CLEC2A: variants seen among roughly 807,000 people sequenced by gnomAD.
The protein encoded by CLEC2A is keratinocyte-associated C-type lectin.
Under a neutral mutation model 18.6 loss-of-function variants are expected in CLEC2A, and 19 were observed. The ratio of observed to expected loss-of-function variants is 1.02; its 90% CI spans 0.71 to 1.50. The LOEUF is 1.50. Ranked by LOEUF, CLEC2A falls within the 40% of genes most tolerant of loss-of-function variation. The pLI is 0.00. For synonymous variants in CLEC2A, 74 were observed against 64.0 expected (o/e 1.16, Z -0.75); for missense variants, 190 against 207.9 (o/e 0.91, Z 0.53).
intron 3 of CLEC2A, among the ~76,000 whole-genome samples, chr12:9,921,721 G>A (rs1863176024): frequency 6.6e-6 from 1 of 152,152 alleles, no homozygotes; most frequent in Non-Finnish European, 1.5e-5. Context: ...ATTATATGCT[G>A]TATTATTACC....
intron 4 of CLEC2A, 50 bp from the exon 5 acceptor site, chr12:9,913,730 C>T (rs1204727335): frequency 7.2e-5 from 84 of 1,172,054 alleles, no homozygotes; most frequent in Non-Finnish European, 9.7e-5. Context: ...CGGCTGTAAT[C>T]AAAAAGACAA....
intron 4 of CLEC2A, among the ~76,000 whole-genome samples, 189 bp from the exon 5 acceptor site, chr12:9,913,869 T>C (rs1185625463): frequency 6.6e-6 from 1 of 152,198 alleles, no homozygotes; most frequent in African/African-American, 2.4e-5. Flanking sequence ...AACATAAGTG[T>C]TGGAGTTAAA....
rs1313181263 is a variant in CLEC2A, at chr12:9,925,301, G to A, written c.139+959C>T. Among the ~76,000 whole-genome samples, 3 of 152,270 alleles carry A rather than the reference G, an allele frequency of 2.0e-5. No individual in the cohort carries two copies. The East Asian group carries it at 5.8e-4, about 29-fold the overall frequency. On this transcript the variant is annotated intron_variant, in intron 2 of 4. Coordinates refer to ENST00000455827, the MANE Select transcript of CLEC2A (RefSeq NM_001130711.2). ...ATTCCAACTAATAGAAATAAATAAAGTTTTATAGAACAAACTATTAGTGAC... is the reference window on the plus strand; with the variant it reads ...ATTCCAACTAATAGAAATAAATAAAATTTTATAGAACAAACTATTAGTGAC...
chr12:9,920,795 A>C (rs1057426099), intron 3 of CLEC2A, among the ~76,000 whole-genome samples: 9 of 152,022 alleles, frequency 5.9e-5, no homozygotes, highest in Non-Finnish European at 1.2e-4. Flanking sequence ...TGCCCTCTTT[A>C]CTTCCATTAA....
intron 2 of CLEC2A, among the ~76,000 whole-genome samples, chr12:9,923,156 T>A (rs980405253): frequency 3.3e-5 from 5 of 152,200 alleles, no homozygotes; most frequent in Admixed American, 2.6e-4. Flanking sequence ...AAGCCCCGCA[T>A]GCATTAGGTA....
chr12:9,905,668 C>T (rs577417427), intron 4 of CLEC2A, among the ~76,000 whole-genome samples: 1 of 152,172 alleles, frequency 6.6e-6, no homozygotes, highest in Non-Finnish European at 1.5e-5. Context: ...ATTCTTTCTA[C>T]TCTTCCTGAT....
chr12:9,892,827 A>G, the CLEC2A span, among the ~76,000 whole-genome samples: 2 of 148,730 alleles, frequency 1.3e-5, no homozygotes, highest in Admixed American at 6.7e-5. Flanking sequence ...CAGGTGATCC[A>G]CCCACCTCAG....
At chr12:9,879,938 G>T in the CLEC2A span, among the ~76,000 whole-genome samples, 49 of 152,278 alleles carry the variant, frequency 3.2e-4, no homozygotes, top group Middle Eastern at 0.01. Flanking sequence ...GCACATGTTC[G>T]CATTCCTTTG....
At chr12:9,892,895 T>C in the CLEC2A span, 1 of 811,130 alleles carries the variant, frequency 1.2e-6, no homozygotes, top group South Asian at 1.9e-5. Flanking sequence ...GAACTCCTTT[T>C]TATTGACCAA....
chr12:9,918,078 C>G (rs1863101905), intron 3 of CLEC2A, among the ~76,000 whole-genome samples: 1 of 152,088 alleles, frequency 6.6e-6, no homozygotes, highest in African/African-American at 2.4e-5. Flanking sequence ...GTTTCTTTTG[C>G]TGTGCAGAAA....
chr12:9,880,225 T>G, the CLEC2A span, among the ~76,000 whole-genome samples: 3 of 152,154 alleles, frequency 2.0e-5, no homozygotes, highest in Non-Finnish European at 4.4e-5. Context: ...CTAAATCATC[T>G]TATCAGAAAC....
chr12:9,899,765 T>A (rs901536759), intron 4 of CLEC2A, among the ~76,000 whole-genome samples: 1 of 152,196 alleles, frequency 6.6e-6, no homozygotes, highest in Admixed American at 6.5e-5. Flanking sequence ...TGGATATCAA[T>A]GTGGCCTTTA....
chr12:9,909,518 G>A (rs1391578610), downstream of CLEC2A, among the ~76,000 whole-genome samples: 2 of 152,146 alleles, frequency 1.3e-5, no homozygotes, highest in East Asian at 1.9e-4. Flanking sequence ...TCTGCCACTC[G>A]ATGAGGGTCA....
chr12:9,888,250 G>A, the CLEC2A span, among the ~76,000 whole-genome samples: 3 of 151,846 alleles, frequency 2.0e-5, no homozygotes, highest in Non-Finnish European at 2.9e-5. Context: ...CAGCACTTTC[G>A]GAAGCCGAGG....
Position 9,922,079 on chromosome 12 carries a change from G to T in CLEC2A, c.293C>A (p.Thr98Lys), listed in dbSNP as rs377012475. Residue 98 changes from threonine (T) to lysine (K), a missense_variant, in exon 3 of 5, where the codon ACA becomes AAA. By Grantham distance (78) the Thr-to-Lys change is moderately conservative. Transcript: ENST00000455827. ...CTGTTTTCTTACCATGTCTTCTTGT[G>T]TATCAATCTGAGCAAGTTCTGCTTT... Reference protein sequence around the residue: ...LQKAELAQIDTQEDMEFLKRY... With the variant: ...LQKAELAQIDKQEDMEFLKRY... 1.2e-3 allele frequency: 1,821 copies of T among 1,545,986 alleles called. No homozygotes were observed. The highest frequency in any genetic ancestry group is 2.3e-3 in the Middle Eastern group (14 of 5,980).
chr12:9,925,384 C>A (rs965904432), intron 2 of CLEC2A, among the ~76,000 whole-genome samples: 1 of 152,196 alleles, frequency 6.6e-6, no homozygotes, highest in Non-Finnish European at 1.5e-5. Context: ...GAAGGTCAAG[C>A]TGCATGGTTT....
chr12:9,903,070 T>C (rs1862858013), intron 4 of CLEC2A, among the ~76,000 whole-genome samples: 1 of 151,972 alleles, frequency 6.6e-6, no homozygotes, highest in Non-Finnish European at 1.5e-5. Context: ...GTTTGCAGGA[T>C]AGAAGCAAGA....
chr12:9,915,875 A>T (rs1377987207), intron 4 of CLEC2A, among the ~76,000 whole-genome samples: 1 of 152,174 alleles, frequency 6.6e-6, no homozygotes, highest in East Asian at 1.9e-4. Context: ...AAATAAAAAT[A>T]TATTTTTTAA....
downstream of CLEC2A, chr12:9,895,860 T>A (rs1280593185): frequency 2.7e-6 from 4 of 1,504,356 alleles, no homozygotes; most frequent in Non-Finnish European, 3.5e-6. Context: ...AGAAATACTT[T>A]GCATGTTAAA....
Sources: allele counts gnomAD v4.1 joint callset (sites outside exome capture counted in the v4.1 genomes callset), GRCh38; gene constraint gnomAD v4.1.1; transcripts MANE v1.5; gene names NCBI Gene and HGNC (gene_info 2026-07-23, HGNC 2026-07-21).